The following ZBED6 variants were observed in gnomAD, a reference collection of about 807,000 sequenced individuals.
The protein encoded by ZBED6 is zinc finger BED domain-containing protein 6.
ZBED6 carries 40 observed loss-of-function variants against 58.4 expected under a neutral mutation model. The ratio of observed to expected loss-of-function variants is 0.68; its 90% CI spans 0.53 to 0.89. The LOEUF (loss-of-function observed/expected upper bound fraction) is 0.89, where lower values mean the gene tolerates loss of function less well. ZBED6 is among the 40% of genes least tolerant of loss of function. ZBED6 has a pLI of 0.00. For missense variants in ZBED6, 1,057 were observed against 1,003.9 expected, an observed-to-expected ratio of 1.05 and a Z score of -0.71; for synonymous variants, 439 against 350.6, an observed-to-expected ratio of 1.25 and a Z score of -2.82.
At chr1:203,852,454 T>A in exon 17 of ZBED6, 1 of 1,591,064 alleles carries the variant, frequency 6.3e-7, no homozygotes, top group Non-Finnish European at 8.6e-7. Context: ...GGACTTAGTT[T>A]CATCTATTGT....
At chr1:203,842,765 A>G (rs1686815004) in intron 11 of ZBED6, among the ~76,000 whole-genome samples, 1 of 151,770 alleles carries the variant, frequency 6.6e-6, no homozygotes, top group East Asian at 1.9e-4. Context: ...ACACGAGAAT[A>G]TAAATAAAAT....
At chr1:203,847,160 C>T (rs1688134294) in intron 11 of ZBED6, 24 bp from the exon 12 acceptor site, 1 of 1,609,572 alleles carries the variant, frequency 6.2e-7, no homozygotes, top group African/African-American at 1.3e-5. Flanking sequence ...AGTATAATGA[C>T]ATGTTTTTCT....
In ZBED6 at chr1:203,840,758, C is replaced by T. The variant is rs564613037; in HGVS notation, c.*3741+384C>T. Among the ~76,000 whole-genome samples the T allele has an allele frequency of 2.3e-4, 35 of 152,064 alleles. No individual in the cohort carries two copies. The East Asian group carries it at 6.0e-3, about 26-fold the overall frequency. On this transcript the variant is annotated intron_variant, in intron 11 of 16. Coordinates refer to ENST00000550078, the Ensembl canonical transcript of ZBED6. ...AAGCAATTCCCCTGCCTCAGCCTACCGAGTAGCTAGAATTACAGGCGTACG... is the reference window on the plus strand; with the variant it reads ...AAGCAATTCCCCTGCCTCAGCCTACTGAGTAGCTAGAATTACAGGCGTACG...
At position 203,799,150 on chromosome 1, in the gene ZBED6, T is replaced by G. The variant is rs1322797451; in HGVS notation, c.1628T>G (p.Leu543Ter). Reference sequence around the variant, plus strand: ...TTGATAACCAATATTTTACAAGAATTAAATGACCAGATTGGTCTGTGGCTT... The same window carrying G: ...TTGATAACCAATATTTTACAAGAATGAAATGACCAGATTGGTCTGTGGCTT... Residue 543 changes from leucine (L) to a stop codon, truncating the protein, a stop_gained, in exon 1 of 17, where the codon TTA (leucine) becomes TGA (stop). Transcript: ENST00000550078. LOFTEE classifies it high-confidence loss of function. The G allele has an allele frequency of 6.8e-7, 1 of 1,478,344 alleles. No individual in the cohort carries two copies. The highest frequency in any genetic ancestry group is 9.1e-7 in the Non-Finnish European group (1 of 1,094,526). The allele number at this position is 1,478,344 out of a possible 1,614,324, so 91.6% of individuals were successfully genotyped here. A position where few individuals can be genotyped will look rare whatever the true frequency, so the allele number is the denominator to read the frequency against.
exon 17 of ZBED6, chr1:203,853,580 A>T (rs1365454313): frequency 6.6e-6 from 1 of 152,668 alleles, no homozygotes; most frequent in Non-Finnish European, 1.5e-5. Flanking sequence ...GGAAGGAAGG[A>T]CTTACCCATT....
exon 17 of ZBED6, chr1:203,853,991 A>T (rs1165780906): frequency 1.3e-5 from 2 of 152,654 alleles, no homozygotes; most frequent in Admixed American, 6.5e-5. Context: ...TTGCTTTTTT[A>T]AAAAATAATT....
chr1:203,812,179 A>G (rs893207155), intron 1 of ZBED6, among the ~76,000 whole-genome samples: 1 of 152,070 alleles, frequency 6.6e-6, no homozygotes. Flanking sequence ...ACACAGGTAA[A>G]TGTGTGTCGT....
chr1:203,840,433 CT>C, intron 11 of ZBED6, 59 bp downstream of exon 11: 1 of 1,534,146 alleles, frequency 6.5e-7, no homozygotes. Context: ...AGAGCCTTTG[CT>C]TTTTCTCAGA....
chr1:203,830,316 G>A, intron 7 of ZBED6, 113 bp downstream of exon 7: 1 of 815,592 alleles, frequency 1.2e-6, no homozygotes, highest in South Asian at 1.8e-5. Context: ...TCCATGGCCT[G>A]TTTGAAGTAA....
At chr1:203,841,142 CTTT>C (rs1303978527) in intron 11 of ZBED6, among the ~76,000 whole-genome samples, 1 of 129,806 alleles carries the variant, frequency 7.7e-6, no homozygotes, top group African/African-American at 2.9e-5. Flanking sequence ...ACATAAGAAT[CTTT>C]TTTTTTTTTT....
intron 3 of ZBED6, among the ~76,000 whole-genome samples, chr1:203,827,879 T>G (rs1342362818): frequency 6.6e-6 from 1 of 152,222 alleles, no homozygotes; most frequent in Non-Finnish European, 1.5e-5. Context: ...TTATGTACTC[T>G]TCATAAGAAA....
intron 7 of ZBED6, among the ~76,000 whole-genome samples, chr1:203,830,925 A>ATTTTTTTTTTTTTTTTTTT (rs774771270): frequency 1.9e-5 from 1 of 51,354 alleles, no homozygotes; most frequent in Non-Finnish European, 3.7e-5. Flanking sequence ...CCAACCCCCA[A>ATTTTTTTTTTTTTTTTTTT]TTTTTTTTTT....
At chr1:203,820,711 C>CTCAAGTT (rs1678336008) in intron 3 of ZBED6, among the ~76,000 whole-genome samples, 1 of 152,002 alleles carries the variant, frequency 6.6e-6, no homozygotes, top group Admixed American at 6.6e-5. Flanking sequence ...AATTGTTGGC[C>CTCAAGTT]TCAAGTTATT....
chr1:203,806,922 T>C (rs1200171650), intron 1 of ZBED6, among the ~76,000 whole-genome samples: 2 of 148,568 alleles, frequency 1.3e-5, no homozygotes, highest in Non-Finnish European at 3.0e-5. Context: ...TTGAAGTCTT[T>C]CAAAAATTAC....
At chr1:203,814,597 ATAAGTACCT>A (rs1275797528) in intron 1 of ZBED6, among the ~76,000 whole-genome samples, 1 of 152,166 alleles carries the variant, frequency 6.6e-6, no homozygotes, top group Non-Finnish European at 1.5e-5. Flanking sequence ...AAACCTCACC[ATAAGTACCT>A]TAAGTACCTT....
intron 3 of ZBED6, among the ~76,000 whole-genome samples, chr1:203,826,905 C>A (rs1326073432): frequency 1.3e-5 from 2 of 152,126 alleles, no homozygotes; most frequent in African/African-American, 4.8e-5. Context: ...CTTACTTGAT[C>A]AGCACCTAGT....
chr1:203,803,637 G>T (rs1277692981), intron 1 of ZBED6, among the ~76,000 whole-genome samples: 1 of 152,074 alleles, frequency 6.6e-6, no homozygotes, highest in Non-Finnish European at 1.5e-5. Context: ...AGGGTCTTGT[G>T]CTCTGTCACT....
intron 11 of ZBED6, among the ~76,000 whole-genome samples, chr1:203,845,775 A>T (rs888279872): frequency 2.0e-5 from 3 of 152,056 alleles, no homozygotes; most frequent in Non-Finnish European, 4.4e-5. Flanking sequence ...TGAGGCAGAG[A>T]ATCACTTGAA....
At chr1:203,829,716 G>A in intron 5 of ZBED6, 62 bp downstream of exon 5, 1 of 1,611,754 alleles carries the variant, frequency 6.2e-7, no homozygotes, top group South Asian at 1.1e-5. Context: ...GAATTGGGCA[G>A]AATCAGGATT....
Sources: gnomAD v4.1 joint callset for allele counts (sites outside exome capture counted in the v4.1 genomes callset) on GRCh38, gnomAD v4.1.1 for gene constraint, MANE v1.5 for transcripts, NCBI Gene and HGNC (gene_info 2026-07-23, HGNC 2026-07-21) for gene names.